KCND3: variants seen among roughly 807,000 people sequenced by gnomAD.
KCND3 encodes the protein potassium voltage-gated channel subfamily D member 3, also known as A-type voltage-gated potassium channel KCND3.
In KCND3, 9 loss-of-function variants were observed where a neutral mutation model predicts 51.1. That is an observed-to-expected ratio of 0.18 (90% CI 0.11 to 0.31). The LOEUF is 0.31. Ranked by LOEUF, KCND3 falls within the 10% of genes least tolerant of loss-of-function variation. The pLI, the probability that KCND3 is intolerant of heterozygous loss-of-function variation, is 1.00. For synonymous variants in KCND3, 349 were observed against 368.0 expected (o/e 0.95, Z 0.59); for missense variants, 526 against 903.8 (o/e 0.58, Z 5.36).
At chr1:111,831,466 G>A (rs1006810649) in intron 2 of KCND3, among the ~76,000 whole-genome samples, 1 of 152,164 alleles carries the variant, frequency 6.6e-6, no homozygotes, top group African/African-American at 2.4e-5. Flanking sequence ...TCCCCTGGCT[G>A]TACGTTTCCT....
At chr1:111,818,503 C>T (rs186224769) in intron 2 of KCND3, among the ~76,000 whole-genome samples, 2 of 152,200 alleles carry the variant, frequency 1.3e-5, no homozygotes, top group Non-Finnish European at 2.9e-5. Flanking sequence ...CACCTGTCTG[C>T]GAGCCTTCTC....
At chr1:111,809,596 C>T (rs1479434684) in intron 2 of KCND3, among the ~76,000 whole-genome samples, 2 of 152,178 alleles carry the variant, frequency 1.3e-5, no homozygotes, top group East Asian at 3.8e-4. Flanking sequence ...GCATGAGCCA[C>T]CGCGCCCAGC....
In KCND3 at chr1:111,861,330, C is replaced by T. The variant is rs191880491; in HGVS notation, c.1107-74224G>A. ...CCCTGGGTTCCAACCAAGATGTGCT[C>T]TAACTTCAGGCTGAGAGATTGAGGC... On this transcript the variant is annotated intron_variant, in intron 2 of 7. Transcript: ENST00000302127. Among the ~76,000 whole-genome samples the T allele has an allele frequency of 3.2e-3, 494 of 152,216 alleles. 7 individuals are homozygous for T. Among genetic ancestry groups the T allele is most frequent in the African/African-American group, 0.012 (484 of 41,526 alleles).
chr1:111,800,081 C>T (rs1418898171), intron 2 of KCND3, among the ~76,000 whole-genome samples: 3 of 148,372 alleles, frequency 2.0e-5, no homozygotes, highest in South Asian at 2.2e-4. Flanking sequence ...ATGATAATGG[C>T]GGCTTTGTGG....
chr1:111,780,135 AC>A lies in KCND3; in HGVS notation c.1461+89del. The A allele has an allele frequency of 7.6e-7, 1 of 1,310,216 alleles. No homozygotes were observed. The allele number at this position is 1,310,216 out of a possible 1,614,324, so 81.2% of individuals were successfully genotyped here. On this transcript the variant is annotated intron_variant, in intron 5 of 7. Transcript: ENST00000302127. The surrounding 1 kb of genome is among the most constrained non-coding windows in gnomAD (Gnocchi z 4.2). ...TTGGATCTGAAGGGGACAGACTTTG[AC>A]TTCTGGCCCAGAGTGAAGATGTGAG...
chr1:111,982,015 T>A lies in KCND3; in HGVS notation c.712A>T (p.Thr238Ser). The A allele has an allele frequency of 6.2e-7, 1 of 1,613,262 alleles. No homozygotes were observed. The highest frequency in any genetic ancestry group is 8.5e-7 in the Non-Finnish European group (1 of 1,179,872). Residue 238 changes from threonine (T) to serine (S), a missense_variant, in exon 2 of 8, where the codon ACC becomes TCC. Physicochemically the swap from Thr to Ser is moderately conservative, Grantham distance 58. This residue lies in a region of KCND3 where 51 missense variants were observed against 84.7 expected (regional missense o/e 0.60). Transcript: ENST00000302127. This position sits in a 1 kb window ranked among gnomAD's most constrained non-coding sequence, Gnocchi z 8.5. ...CLDTACVMIF[T>S]VEYLLRLFAA... Reference sequence around the variant, plus strand: ...AAGAGCCGCAGGAGGTACTCCACGGTGAAGATCATGACGCACGCCGTGTCC... The same window carrying A: ...AAGAGCCGCAGGAGGTACTCCACGGAGAAGATCATGACGCACGCCGTGTCC...
At chr1:111,831,022 C>G (rs1403842039) in intron 2 of KCND3, among the ~76,000 whole-genome samples, 1 of 152,200 alleles carries the variant, frequency 6.6e-6, no homozygotes, top group Admixed American at 6.5e-5. Flanking sequence ...TGTGACTAAA[C>G]AGGACTTCAG....
intron 2 of KCND3, among the ~76,000 whole-genome samples, chr1:111,797,096 A>G (rs948891579): frequency 6.6e-6 from 1 of 152,194 alleles, no homozygotes; most frequent in African/African-American, 2.4e-5. Context: ...TAAAACATAG[A>G]TTGCTGGGCC....
chr1:111,940,073 G>GTTTTTTTTTTTTTGTTTT (rs1672428012), intron 2 of KCND3, among the ~76,000 whole-genome samples: 2 of 85,472 alleles, frequency 2.3e-5, no homozygotes, highest in Non-Finnish European at 4.2e-5. Flanking sequence ...CTTTTTGATG[G>GTTTTTTTTTTTTTGTTTT]TTTTTTTTTT....
rs1251230758 is a variant in KCND3, at chr1:111,907,171, A to G, written c.1106+74450T>C. Reference sequence around the variant, plus strand: ...AATAGAGATTGATGAACTGATCTCCATGAGAGAACAGACTTGTTGCTGGGG... The same window carrying G: ...AATAGAGATTGATGAACTGATCTCCGTGAGAGAACAGACTTGTTGCTGGGG... On this transcript the variant is annotated intron_variant, in intron 2 of 7. Transcript: ENST00000302127. Among the ~76,000 whole-genome samples the G allele has an allele frequency of 2.0e-5, 3 of 152,226 alleles. No individual in the cohort carries two copies. The East Asian group carries it at 5.8e-4, about 29-fold the overall frequency.
At chr1:111,813,937 T>A (rs1256407443) in intron 2 of KCND3, among the ~76,000 whole-genome samples, 1 of 152,034 alleles carries the variant, frequency 6.6e-6, no homozygotes, top group Non-Finnish European at 1.5e-5. Context: ...ATACACAACA[T>A]CTCCCTCTGC....
intron 2 of KCND3, among the ~76,000 whole-genome samples, chr1:111,878,124 C>T (rs1263280791): frequency 6.6e-6 from 1 of 152,132 alleles, no homozygotes; most frequent in East Asian, 1.9e-4. Flanking sequence ...CCCATCAGAG[C>T]CCTAGTGCTG....
intron 2 of KCND3, among the ~76,000 whole-genome samples, chr1:111,957,089 CATTA>C (rs1421321412): frequency 1.3e-5 from 2 of 152,178 alleles, no homozygotes; most frequent in African/African-American, 4.8e-5. Flanking sequence ...AAACAAAACA[CATTA>C]ATTATGATCC....
At chr1:111,880,694 T>C (rs12738933) in intron 2 of KCND3, among the ~76,000 whole-genome samples, 3,910 of 152,300 alleles carry the variant, frequency 0.026, 91 homozygotes, top group East Asian at 0.1. Context: ...TTAAACCTTA[T>C]TGAAATTTCT....
chr1:111,980,127 C>T (rs1440863697), intron 2 of KCND3, among the ~76,000 whole-genome samples: 2 of 152,098 alleles, frequency 1.3e-5, no homozygotes, highest in Non-Finnish European at 2.9e-5. Flanking sequence ...AAGCCCACAT[C>T]TGCCACCTGA....
intron 2 of KCND3, among the ~76,000 whole-genome samples, chr1:111,917,226 T>C (rs966737123): frequency 2.6e-5 from 4 of 152,232 alleles, no homozygotes; most frequent in African/African-American, 9.6e-5. Context: ...TACCATTTCA[T>C]TCAACATTGT....
At chr1:111,967,554 G>T (rs1674076365) in intron 2 of KCND3, among the ~76,000 whole-genome samples, 1 of 152,222 alleles carries the variant, frequency 6.6e-6, no homozygotes, top group South Asian at 2.1e-4. Flanking sequence ...TCTGCAGGCA[G>T]GGCCTCCCAG....
At chr1:111,845,919 A>T (rs940106655) in intron 2 of KCND3, among the ~76,000 whole-genome samples, 2 of 152,186 alleles carry the variant, frequency 1.3e-5, no homozygotes, top group Non-Finnish European at 2.9e-5. Context: ...GTCCCCCTGC[A>T]CCACCATATC....
intron 2 of KCND3, among the ~76,000 whole-genome samples, chr1:111,959,208 A>G (rs992205259): frequency 2.0e-5 from 3 of 152,168 alleles, no homozygotes; most frequent in African/African-American, 7.2e-5. Context: ...AGCCTGGCCC[A>G]TGCTTCCAGA....
Sources: allele counts gnomAD v4.1 joint callset (sites outside exome capture counted in the v4.1 genomes callset), GRCh38; gene constraint gnomAD v4.1.1; regional missense constraint gnomAD v4.1.1; non-coding constraint Gnocchi (gnomAD v3.1); transcripts MANE v1.5; gene names NCBI Gene and HGNC (gene_info 2026-07-23, HGNC 2026-07-21).